The following PDS5A variants were observed in gnomAD, a reference collection of about 807,000 sequenced individuals.
PDS5A encodes PDS5 cohesin associated factor A.
In PDS5A, 42 loss-of-function variants were observed where a neutral mutation model predicts 167.1. The ratio of observed to expected loss-of-function variants is 0.25; its 90% CI spans 0.20 to 0.33. The LOEUF (loss-of-function observed/expected upper bound fraction) is 0.33. PDS5A is among the 10% of genes least tolerant of loss of function. The probability of loss-of-function intolerance (pLI) is 1.00; values close to 1 mark genes in which losing one functional copy is unlikely to be tolerated. For missense variants in PDS5A, 1,033 were observed against 1,605.9 expected (o/e 0.64, Z 6.10); for synonymous variants, 553 against 554.6 (o/e 1.00, Z 0.04).
intron 2 of PDS5A, among the ~76,000 whole-genome samples, chr4:39,929,878 T>C (rs1349525109): frequency 6.7e-6 from 1 of 149,906 alleles, no homozygotes; most frequent in African/African-American, 2.5e-5. Context: ...CCCAAGTAGG[T>C]GGATCTACAA....
intron 12 of PDS5A, among the ~76,000 whole-genome samples, chr4:39,903,283 TG>T (rs1723034310): frequency 6.6e-6 from 1 of 152,246 alleles, no homozygotes; most frequent in South Asian, 2.1e-4. Flanking sequence ...GTTCTCTCCA[TG>T]ATCTAAATTC....
intron 17 of PDS5A, among the ~76,000 whole-genome samples, chr4:39,880,763 C>T (rs1013889894): frequency 2.0e-5 from 3 of 152,250 alleles, no homozygotes; most frequent in African/African-American, 7.2e-5. Context: ...ATAATTAACA[C>T]ATCCATTATC....
intron 2 of PDS5A, among the ~76,000 whole-genome samples, chr4:39,942,921 ACTC>A (rs1035071877): frequency 1.3e-4 from 19 of 151,920 alleles, no homozygotes; most frequent in Non-Finnish European, 2.1e-4. Flanking sequence ...GCTGCAGTGA[ACTC>A]CTAAAGGATC....
chr4:39,838,168 C>T lies in PDS5A; in HGVS notation c.3698G>A (p.Ser1233Asn). 1.2e-6 allele frequency: 2 copies of T among 1,611,388 alleles called. No homozygotes were observed. Among genetic ancestry groups the T allele is most frequent in the Non-Finnish European group, 1.7e-6 (2 of 1,178,822 alleles). ...TACTGTTCTTTTCTTTCCTCGGTCA[C>T]TGCTGATGTTGCCCTGGGTAGCCTG... Reference protein sequence around the residue: ...SDQATQGNISSDRGKKRTVTA... With the variant: ...SDQATQGNISNDRGKKRTVTA... Residue 1233 changes from serine to asparagine, a missense_variant, in exon 32 of 33, where the codon AGT (serine) becomes AAT (asparagine). Transcript: ENST00000303538.
At chr4:39,878,483 G>C (rs555053391) in intron 18 of PDS5A, among the ~76,000 whole-genome samples, 30 of 152,032 alleles carry the variant, frequency 2.0e-4, no homozygotes, top group Non-Finnish European at 4.4e-4. Flanking sequence ...TGTAGTCCCG[G>C]CTACTTGGGA....
At position 39,977,125 on chromosome 4, in the gene PDS5A, G is replaced by A. The variant is rs1272343006; in HGVS notation, c.-41+332C>T. Among the ~76,000 whole-genome samples, 1 of 152,182 alleles carries A rather than the reference G, an allele frequency of 6.6e-6. No homozygotes were observed. Among genetic ancestry groups the A allele is most frequent in the African/African-American group, 2.4e-5 (1 of 41,452 alleles). On this transcript the variant is annotated intron_variant, in intron 1 of 32. Coordinates refer to ENST00000303538, the MANE Select transcript of PDS5A (RefSeq NM_001100399.2). The surrounding 1 kb of genome is among the most constrained non-coding windows in gnomAD (Gnocchi z 4.2). ...CCTTGCCCAGCCGAGCCTCGGACCC[G>A]GGGTAGTCCCCGCCGCGCTGCCACC... is the stretch of plus-strand genomic sequence containing the variant.
Position 39,869,573 on chromosome 4 carries a change from A to G in PDS5A, c.2437-111T>C. On this transcript the variant is annotated intron_variant, in intron 21 of 32. Transcript: ENST00000303538. ...CAGCCTCTGAGAAACCTACGGGAAC[A>G]TCACCAACCAGAGCTTGGAAAAGGA... 4.3e-6 allele frequency: 3 copies of G among 704,688 alleles called. No homozygotes were observed. The South Asian group carries it at 4.9e-5, about 11-fold the overall frequency. 43.7% of individuals were successfully genotyped at this position (704,688 alleles called of 1,614,324 possible).
At chr4:39,950,746 C>G (rs1222977907) in intron 2 of PDS5A, among the ~76,000 whole-genome samples, 1 of 152,050 alleles carries the variant, frequency 6.6e-6, no homozygotes, top group Admixed American at 6.6e-5. Flanking sequence ...CGCTACCACA[C>G]CAGGCTAACT....
chr4:39,956,594 T>A (rs1728946506), intron 2 of PDS5A, among the ~76,000 whole-genome samples: 1 of 150,832 alleles, frequency 6.6e-6, no homozygotes, highest in African/African-American at 2.4e-5. Flanking sequence ...CTAAAGACAA[T>A]TTTATTTTAT....
At chr4:39,915,168 A>G (rs1331074273) in intron 8 of PDS5A, among the ~76,000 whole-genome samples, 1 of 151,276 alleles carries the variant, frequency 6.6e-6, no homozygotes, top group Non-Finnish European at 1.5e-5. Flanking sequence ...CCTCCTGAGT[A>G]GCTGGACATA....
chr4:39,865,737 T>C (rs1222591955), intron 23 of PDS5A, among the ~76,000 whole-genome samples: 3 of 152,202 alleles, frequency 2.0e-5, no homozygotes, highest in Non-Finnish European at 4.4e-5. Context: ...ATGACCTCAA[T>C]TGATCTGCCT....
At chr4:39,867,133 C>T (rs2109557548) in intron 22 of PDS5A, 136 bp from the exon 23 acceptor site, 1 of 648,104 alleles carries the variant, frequency 1.5e-6, no homozygotes, top group East Asian at 2.8e-5. Context: ...GGGATAATAA[C>T]AGCAACAATA....
At chr4:39,868,103 A>C (rs1719712773) in intron 22 of PDS5A, among the ~76,000 whole-genome samples, 1 of 152,210 alleles carries the variant, frequency 6.6e-6, no homozygotes, top group South Asian at 2.1e-4. Context: ...AAGATGATAC[A>C]ATCTTATTTT....
chr4:39,960,939 C>T (rs560466996), intron 2 of PDS5A, among the ~76,000 whole-genome samples: 10 of 152,234 alleles, frequency 6.6e-5, no homozygotes, highest in Non-Finnish European at 1.2e-4. Context: ...CCACTTGCCT[C>T]GGCCTCCCAA....
intron 2 of PDS5A, among the ~76,000 whole-genome samples, chr4:39,960,387 A>AG (rs1442312820): frequency 6.6e-6 from 1 of 152,230 alleles, no homozygotes; most frequent in East Asian, 1.9e-4. Flanking sequence ...CCAAAGGCTG[A>AG]GGGATTCTGG....
intron 2 of PDS5A, among the ~76,000 whole-genome samples, chr4:39,944,333 T>C (rs1462508766): frequency 2.0e-5 from 3 of 152,076 alleles, no homozygotes; most frequent in Non-Finnish European, 4.4e-5. Context: ...AGAACAATCA[T>C]AATAGAAGTT....
intron 2 of PDS5A, chr4:39,973,181 T>C: frequency 8.9e-7 from 1 of 1,118,358 alleles, no homozygotes. Context: ...GTAGCCTCTT[T>C]AGCTTGGTGG....
At chr4:39,943,620 CAAAAAAA>C (rs67431661) in intron 2 of PDS5A, among the ~76,000 whole-genome samples, 1 of 109,806 alleles carries the variant, frequency 9.1e-6, no homozygotes. Flanking sequence ...CCCGTTTCTA[CAAAAAAA>C]AAAAAAAAAA....
intron 2 of PDS5A, among the ~76,000 whole-genome samples, chr4:39,952,121 G>A (rs545467277): frequency 6.6e-6 from 1 of 152,070 alleles, no homozygotes; most frequent in East Asian, 1.9e-4. Flanking sequence ...CCTGAGTTCA[G>A]GAGTTCGAGA....
Sources: gnomAD v4.1 joint callset for allele counts (sites outside exome capture counted in the v4.1 genomes callset) on GRCh38, gnomAD v4.1.1 for gene constraint, Gnocchi (gnomAD v3.1) non-coding constraint, MANE v1.5 for transcripts, NCBI Gene and HGNC (gene_info 2026-07-23, HGNC 2026-07-21) for gene names.